The following EVC2 variants were observed in gnomAD, a reference collection of about 807,000 sequenced individuals.
The protein encoded by EVC2 is EvC ciliary complex subunit 2.
In EVC2, 148 loss-of-function variants were observed where a neutral mutation model predicts 149.3. The ratio of observed to expected loss-of-function variants is 0.99; its 90% CI spans 0.87 to 1.14. EVC2 has a LOEUF of 1.14. EVC2 is among the 50% of genes most tolerant of loss of function. The pLI is 0.00. For synonymous variants in EVC2, 776 were observed against 649.9 expected (o/e 1.19, Z -2.95); for missense variants, 1,854 against 1,627.3 (o/e 1.14, Z -2.40).
In EVC2 at chr4:5,640,368, G is replaced by A; in HGVS notation, c.1470+146C>T. On this transcript the variant is annotated intron_variant, in intron 10 of 21. Transcript: ENST00000344408. The surrounding 1 kb of genome is among the most constrained non-coding windows in gnomAD (Gnocchi z 4.6). Reference sequence around the variant, plus strand: ...GGAATGGTTGGATGAATGAATGGAAGGATGAATAGATGAATGAGTGGGTGG... The same window carrying A: ...GGAATGGTTGGATGAATGAATGGAAAGATGAATAGATGAATGAGTGGGTGG... 1.0e-6 allele frequency: 1 copy of A among 956,944 alleles called. No homozygotes were observed. The highest frequency in any genetic ancestry group is 1.7e-6 in the Non-Finnish European group (1 of 592,450). The allele number at this position is 956,944 out of a possible 1,614,324, so 59.3% of individuals were successfully genotyped here.
At chr4:5,639,395 C>T (rs1717144672) in intron 10 of EVC2, among the ~76,000 whole-genome samples, 1 of 152,222 alleles carries the variant, frequency 6.6e-6, no homozygotes, top group South Asian at 2.1e-4. Flanking sequence ...TTCAAGGCAG[C>T]AACTGACACA....
chr4:5,536,620 T>TA, the EVC2 span, among the ~76,000 whole-genome samples: 1 of 152,118 alleles, frequency 6.6e-6, no homozygotes, highest in East Asian at 1.9e-4. Flanking sequence ...CCGTTTCTAC[T>TA]AAAAATACAA....
chr4:5,539,298 G>A (rs1721471604), downstream of EVC2, among the ~76,000 whole-genome samples: 1 of 152,142 alleles, frequency 6.6e-6, no homozygotes, highest in South Asian at 2.1e-4. Context: ...TTAAGTAAAT[G>A]AAGAGCTATA....
Position 5,679,933 on chromosome 4 carries a change from A to T in EVC2, c.870+1327T>A, listed in dbSNP as rs1577243632. Among the ~76,000 whole-genome samples, 2 of 152,304 alleles carry T rather than the reference A, an allele frequency of 1.3e-5. No homozygotes were observed. Among genetic ancestry groups the T allele is most frequent in the East Asian group, 3.9e-4 (2 of 5,186 alleles). ...TCCTTTCTTTATATCCTTACTCTGT[A>T]AGCTTTCTATATTTTTAAGGTATTT... is the stretch of plus-strand genomic sequence containing the variant. On this transcript the variant is annotated intron_variant, in intron 7 of 21. Transcript: ENST00000344408. This position sits in a 1 kb window ranked among gnomAD's most constrained non-coding sequence, Gnocchi z 5.1.
chr4:5,544,026 G>C (rs1721565774), intron 21 of EVC2, among the ~76,000 whole-genome samples: 1 of 152,160 alleles, frequency 6.6e-6, no homozygotes, highest in Non-Finnish European at 1.5e-5. Flanking sequence ...TCGGCAAATT[G>C]TGCACCTCCA....
chr4:5,645,764 T>A (rs769745824), intron 9 of EVC2, among the ~76,000 whole-genome samples: 1 of 152,186 alleles, frequency 6.6e-6, no homozygotes, highest in Non-Finnish European at 1.5e-5. Context: ...TTATAGTCCT[T>A]TGGGTATATA....
intron 16 of EVC2, among the ~76,000 whole-genome samples, chr4:5,596,724 C>G (rs962203648): frequency 1.3e-5 from 2 of 152,042 alleles, no homozygotes; most frequent in African/African-American, 4.8e-5. Flanking sequence ...AAAATCAGAG[C>G]AGAACTGAAG....
At chr4:5,540,006 T>C (rs1254937136), downstream of EVC2, among the ~76,000 whole-genome samples, 1 of 152,172 alleles carries the variant, frequency 6.6e-6, no homozygotes, top group Non-Finnish European at 1.5e-5. Flanking sequence ...ATCTAGAACA[T>C]ACAATGAACT....
downstream of EVC2, among the ~76,000 whole-genome samples, chr4:5,560,706 T>C (rs963831288): frequency 1.3e-5 from 2 of 152,210 alleles, no homozygotes; most frequent in Non-Finnish European, 2.9e-5. The surrounding 1 kb of genome is among the most constrained non-coding windows in gnomAD (Gnocchi z 4.1). Context: ...AGCTACCTTA[T>C]TGCACACCAA....
rs1226366703 is a variant in EVC2 at position 5,633,096 on chromosome 4, T to C, written c.1471-1064A>G. On this transcript the variant is annotated intron_variant, in intron 10 of 21. Coordinates refer to ENST00000344408, the MANE Select transcript of EVC2 (RefSeq NM_147127.5). The surrounding 1 kb of genome is among the most constrained non-coding windows in gnomAD (Gnocchi z 4.4). ...CTCCTTAAAAGAAGCATTGGAGCCT[T>C]CCTAAAGAGAGAGACCCTCTCCTGC... is the stretch of plus-strand genomic sequence containing the variant. Among the ~76,000 whole-genome samples the C allele has an allele frequency of 6.6e-6, 1 of 152,164 alleles. No individual in the cohort carries two copies. The highest frequency in any genetic ancestry group is 1.5e-5 in the Non-Finnish European group (1 of 68,030).
intron 9 of EVC2, among the ~76,000 whole-genome samples, chr4:5,643,051 T>C (rs918671025): frequency 6.6e-6 from 1 of 152,212 alleles, no homozygotes; most frequent in Non-Finnish European, 1.5e-5. Flanking sequence ...ACGAGTTAAC[T>C]TGTCTACATG....
chr4:5,685,939 A>T (rs531358903), intron 5 of EVC2, among the ~76,000 whole-genome samples: 36 of 152,180 alleles, frequency 2.4e-4, no homozygotes, highest in African/African-American at 7.9e-4. Context: ...GTTCTCACCT[A>T]AGCTTGTCCT....
intron 1 of EVC2, among the ~76,000 whole-genome samples, chr4:5,702,003 A>C (rs1721856293): frequency 6.6e-6 from 1 of 151,980 alleles, no homozygotes; most frequent in African/African-American, 2.4e-5. Context: ...TTTCCTGCTC[A>C]CACATCCGCC....
At chr4:5,596,267 T>C (rs1713407480) in intron 16 of EVC2, among the ~76,000 whole-genome samples, 1 of 152,190 alleles carries the variant, frequency 6.6e-6, no homozygotes, top group Non-Finnish European at 1.5e-5. Context: ...AGAATATACA[T>C]TTTTCTCAGC....
intron 9 of EVC2, among the ~76,000 whole-genome samples, chr4:5,661,610 A>G (rs180774179): frequency 1.3e-5 from 2 of 152,364 alleles, no homozygotes; most frequent in African/African-American, 2.4e-5. Flanking sequence ...GGCCAAAACA[A>G]CGGAAAATTA....
chr4:5,690,001 G>A (rs538658382), intron 4 of EVC2, among the ~76,000 whole-genome samples: 4 of 152,352 alleles, frequency 2.6e-5, no homozygotes, highest in South Asian at 2.1e-4. Flanking sequence ...AGGAAGCAAT[G>A]TGTGTGCTGA....
In EVC2 at chr4:5,576,579, C is replaced by A; in HGVS notation, c.3058-125G>T. The A allele has an allele frequency of 6.6e-7, 1 of 1,506,366 alleles. No individual in the cohort carries two copies. Among genetic ancestry groups the A allele is most frequent in the South Asian group, 1.2e-5 (1 of 82,470 alleles). The allele number at this position is 1,506,366 out of a possible 1,614,324, so 93.3% of individuals were successfully genotyped here. The stretch of plus-strand genomic sequence containing the variant: ...GACTCTGTCTTGCCTGGTTCCCCAT[C>A]CAGCTGTGCCACATGGTGCAATGTG... On this transcript the variant is annotated intron_variant, in intron 17 of 21. Transcript: ENST00000344408. This position sits in a 1 kb window ranked among gnomAD's most constrained non-coding sequence, Gnocchi z 4.5.
intron 20 of EVC2, among the ~76,000 whole-genome samples, chr4:5,566,060 G>A (rs1279233711): frequency 6.6e-6 from 1 of 152,270 alleles, no homozygotes; most frequent in Admixed American, 6.5e-5. Context: ...GTACCTAAGA[G>A]AGAGGACACA....
chr4:5,698,762 G>A (rs567391636), intron 1 of EVC2, among the ~76,000 whole-genome samples: 1 of 152,214 alleles, frequency 6.6e-6, no homozygotes, highest in African/African-American at 2.4e-5. Flanking sequence ...AGCCTGGCAC[G>A]CAAGCAGCCT....
Sources: gnomAD v4.1 joint callset for allele counts (sites outside exome capture counted in the v4.1 genomes callset) on GRCh38, gnomAD v4.1.1 for gene constraint, Gnocchi (gnomAD v3.1) non-coding constraint, MANE v1.5 for transcripts, NCBI Gene and HGNC (gene_info 2026-07-23, HGNC 2026-07-21) for gene names.